The following DGKB variants were observed in gnomAD, a reference collection of about 807,000 sequenced individuals.
The protein encoded by DGKB is 90 kDa diacylglycerol kinase.
A neutral mutation model predicts 114.3 loss-of-function variants in DGKB; 67 were observed. The observed-to-expected ratio is 0.59, with a 90% confidence interval of 0.48 to 0.72. The LOEUF (loss-of-function observed/expected upper bound fraction) is 0.72, where lower values mean the gene tolerates loss of function less well. Among genes scored for constraint, DGKB ranks in the 30% least tolerant of loss-of-function variants. The pLI, the probability that DGKB is intolerant of heterozygous loss-of-function variation, is 0.00. For missense variants in DGKB, 907 were observed against 975.2 expected (o/e 0.93, Z 0.93); for synonymous variants, 398 against 323.1 (o/e 1.23, Z -2.49).
chr7:14,306,373 C>T (rs1163938815), intron 23 of DGKB, among the ~76,000 whole-genome samples: 5 of 152,104 alleles, frequency 3.3e-5, no homozygotes, highest in Admixed American at 3.3e-4. Flanking sequence ...CATGATTCTA[C>T]ATTTCCTTGT....
At chr7:14,205,193 G>A (rs1321584719) in intron 23 of DGKB, among the ~76,000 whole-genome samples, 1 of 152,080 alleles carries the variant, frequency 6.6e-6, no homozygotes, top group African/African-American at 2.4e-5. Context: ...CCATGTCCAT[G>A]TGGGGCTGAG....
chr7:14,808,777 C>T (rs763760203), intron 2 of DGKB, among the ~76,000 whole-genome samples: 12 of 152,116 alleles, frequency 7.9e-5, no homozygotes, highest in Non-Finnish European at 1.5e-4. Flanking sequence ...GGAATGAACA[C>T]ACTAGGGTAT....
At chr7:14,303,792 C>A (rs918871972) in intron 23 of DGKB, among the ~76,000 whole-genome samples, 1 of 151,832 alleles carries the variant, frequency 6.6e-6, no homozygotes, top group African/African-American at 2.4e-5. Flanking sequence ...GTGATGTGGC[C>A]CAGGAGCCTT....
At chr7:14,727,826 A>G (rs1830248550) in intron 5 of DGKB, among the ~76,000 whole-genome samples, 3 of 152,186 alleles carry the variant, frequency 2.0e-5, no homozygotes. Context: ...ACACACATAT[A>G]TATTTAATAT....
intron 1 of DGKB, among the ~76,000 whole-genome samples, chr7:14,866,795 A>G (rs986240459): frequency 6.6e-6 from 1 of 152,164 alleles, no homozygotes; most frequent in Non-Finnish European, 1.5e-5. Flanking sequence ...TTCATTTCGT[A>G]GAAACCACCA....
intron 21 of DGKB, among the ~76,000 whole-genome samples, chr7:14,363,646 G>T (rs1411566352): frequency 6.6e-6 from 1 of 151,968 alleles, no homozygotes; most frequent in Non-Finnish European, 1.5e-5. Context: ...TTTGATATAT[G>T]GAGGATACAG....
At chr7:14,161,461 C>T (rs1391327072) in intron 25 of DGKB, among the ~76,000 whole-genome samples, 5 of 152,148 alleles carry the variant, frequency 3.3e-5, no homozygotes, top group African/African-American at 1.2e-4. Context: ...GGCACATATA[C>T]ACCATGGAAT....
At chr7:14,456,793 C>T (rs1039123728) in intron 21 of DGKB, among the ~76,000 whole-genome samples, 1 of 151,964 alleles carries the variant, frequency 6.6e-6, no homozygotes, top group African/African-American at 2.4e-5. Context: ...TGATTTTTTT[C>T]TAACCTGAAA....
At chr7:14,868,517 G>A (rs1852001485) in intron 1 of DGKB, among the ~76,000 whole-genome samples, 1 of 151,866 alleles carries the variant, frequency 6.6e-6, no homozygotes. Flanking sequence ...TGTATCTTCA[G>A]TAGAGATGGG....
intron 20 of DGKB, among the ~76,000 whole-genome samples, chr7:14,480,114 G>T (rs1782766649): frequency 6.6e-6 from 1 of 151,900 alleles, no homozygotes; most frequent in African/African-American, 2.4e-5. Flanking sequence ...AAACAGAATA[G>T]AGAAAGGGAG....
intron 21 of DGKB, among the ~76,000 whole-genome samples, chr7:14,473,384 A>T (rs760472288): frequency 5.5e-4 from 83 of 152,058 alleles, no homozygotes; most frequent in Non-Finnish European, 6.0e-4. Flanking sequence ...GGGTTTGAGA[A>T]CCTCTGCCTG....
intron 23 of DGKB, among the ~76,000 whole-genome samples, chr7:14,266,383 C>T (rs1278761137): frequency 6.6e-6 from 1 of 152,126 alleles, no homozygotes; most frequent in Non-Finnish European, 1.5e-5. Context: ...AAATCCACAG[C>T]TCCTAGAACT....
intron 2 of DGKB, among the ~76,000 whole-genome samples, chr7:14,760,100 G>C (rs1835465715): frequency 6.6e-6 from 1 of 151,994 alleles, no homozygotes; most frequent in African/African-American, 2.4e-5. Flanking sequence ...TTTTTAATTG[G>C]ACGGTTTGTC....
chr7:14,307,227 G>A (rs1027864932), intron 23 of DGKB, among the ~76,000 whole-genome samples: 1 of 133,510 alleles, frequency 7.5e-6, no homozygotes, highest in African/African-American at 2.7e-5. Context: ...CCTAATAACT[G>A]TGATCACTAT....
Position 14,338,691 on chromosome 7 carries a change from T to C in DGKB, c.1946A>G (p.Asp649Gly). Residue 649 changes from aspartate (D) to glycine (G), a missense_variant, in exon 23 of 26, where the codon GAT (aspartate) becomes GGT (glycine). By Grantham distance (94) the Asp-to-Gly change is moderately conservative. Transcript: ENST00000402815. The stretch of plus-strand genomic sequence containing the variant: ...TCCTTCCAGAGAGATGTTTATTAAA[T>C]CTATCTGTACTCCATCACACTGATC... ...VEIECDGVQI[D>G]LINISLEGIA... The C allele has an allele frequency of 1.3e-6, 2 of 1,584,752 alleles. No individual in the cohort carries two copies. The highest frequency in any genetic ancestry group is 1.8e-5 in the Admixed American group (1 of 56,044).
intron 23 of DGKB, among the ~76,000 whole-genome samples, chr7:14,190,160 A>T (rs1784093046): frequency 6.6e-6 from 1 of 152,134 alleles, no homozygotes; most frequent in Non-Finnish European, 1.5e-5. Context: ...CACAAAATAA[A>T]TCTCAACAAA....
chr7:14,856,019 A>C (rs146540861), intron 1 of DGKB, among the ~76,000 whole-genome samples: 5 of 19,466 alleles, frequency 2.6e-4, no homozygotes, highest in South Asian at 4.2e-3. Flanking sequence ...ACACACACAC[A>C]CATAATTAAC....
At chr7:14,812,880 A>G (rs1000384139) in intron 2 of DGKB, among the ~76,000 whole-genome samples, 1 of 152,182 alleles carries the variant, frequency 6.6e-6, no homozygotes, top group East Asian at 1.9e-4. Context: ...AGCATCAGTT[A>G]AGTGCTTCCT....
rs139855242 is a variant in DGKB, at chr7:14,474,569, TA to T, written c.1835+3591del. ...TTCCACACTGCTTTGCATGTTTTTC[TA>T]AAATCATTATACGCCTTTATAATTG... On this transcript the variant is annotated intron_variant, in intron 21 of 25. Coordinates refer to ENST00000402815, the MANE Select transcript of DGKB (RefSeq NM_001350709.2). Among the ~76,000 whole-genome samples the T allele has an allele frequency of 3.2e-3, 485 of 152,344 alleles. 18 individuals are homozygous for T. In the East Asian group the frequency reaches 0.085, roughly 27 times the overall value.
Sources: allele counts gnomAD v4.1 joint callset (sites outside exome capture counted in the v4.1 genomes callset), GRCh38; gene constraint gnomAD v4.1.1; transcripts MANE v1.5; gene names NCBI Gene and HGNC (gene_info 2026-07-23, HGNC 2026-07-21).